Variants in SH3GL2 observed in about 807,000 individuals in gnomAD.
The protein encoded by SH3GL2 is endophilin-A1.
A neutral mutation model predicts 46.0 loss-of-function variants in SH3GL2; 24 were observed. The ratio of observed to expected loss-of-function variants is 0.52; its 90% CI spans 0.38 to 0.73. SH3GL2 has a LOEUF of 0.73. Among genes scored for constraint, SH3GL2 ranks in the 30% least tolerant of loss-of-function variants. SH3GL2 has a pLI of 0.00. For synonymous variants in SH3GL2, 196 were observed against 147.1 expected, an observed-to-expected ratio of 1.33 and a Z score of -2.40; for missense variants, 413 against 424.2, an observed-to-expected ratio of 0.97 and a Z score of 0.23.
At chr9:17,677,071 G>T (rs549273961) in intron 1 of SH3GL2, among the ~76,000 whole-genome samples, 1 of 152,072 alleles carries the variant, frequency 6.6e-6, no homozygotes, top group Non-Finnish European at 1.5e-5. Flanking sequence ...CCTCCATCAC[G>T]CCTGCAGTCA....
At chr9:17,772,515 C>T (rs535814042) in intron 3 of SH3GL2, among the ~76,000 whole-genome samples, 14 of 152,246 alleles carry the variant, frequency 9.2e-5, no homozygotes, top group African/African-American at 2.6e-4. Flanking sequence ...CTACTTCAGC[C>T]GCTGGCTACC....
At chr9:17,785,421 G>A (rs766261276) in intron 3 of SH3GL2, among the ~76,000 whole-genome samples, 3 of 152,162 alleles carry the variant, frequency 2.0e-5, no homozygotes, top group Non-Finnish European at 4.4e-5. Flanking sequence ...TCTATTCAAT[G>A]CCTCTAAGAC....
intron 1 of SH3GL2, among the ~76,000 whole-genome samples, chr9:17,663,321 T>C (rs1820267446): frequency 6.6e-6 from 1 of 152,188 alleles, no homozygotes; most frequent in Non-Finnish European, 1.5e-5. Context: ...TTCAGTTTTT[T>C]TGTATTAGAT....
intron 1 of SH3GL2, among the ~76,000 whole-genome samples, chr9:17,630,805 T>TG (rs1335680287): frequency 6.6e-6 from 1 of 151,954 alleles, no homozygotes; most frequent in East Asian, 1.9e-4. Flanking sequence ...GTGGGGGAGT[T>TG]GGAGGTAGTA....
At chr9:17,737,868 T>C (rs897433037) in intron 1 of SH3GL2, among the ~76,000 whole-genome samples, 4 of 152,208 alleles carry the variant, frequency 2.6e-5, no homozygotes, top group East Asian at 3.9e-4. Flanking sequence ...TTGCTTTTTG[T>C]CATGTAGGAA....
intron 1 of SH3GL2, among the ~76,000 whole-genome samples, chr9:17,632,755 G>T (rs910615391): frequency 6.6e-6 from 1 of 152,088 alleles, no homozygotes; most frequent in African/African-American, 2.4e-5. Context: ...TTTAGCTTTA[G>T]GGATGTTCTT....
At chr9:17,771,193 A>T (rs1823469668) in intron 3 of SH3GL2, among the ~76,000 whole-genome samples, 1 of 152,164 alleles carries the variant, frequency 6.6e-6, no homozygotes, top group African/African-American at 2.4e-5. Context: ...CTTACATTGA[A>T]GTAGGAGGTA....
chr9:17,642,292 TC>T (rs1453767244), intron 1 of SH3GL2, among the ~76,000 whole-genome samples: 13 of 152,216 alleles, frequency 8.5e-5, no homozygotes, highest in African/African-American at 2.9e-4. Flanking sequence ...GCAAAAATTT[TC>T]TCCCATTCTG....
chr9:17,619,223 T>C (rs985102625), intron 1 of SH3GL2, among the ~76,000 whole-genome samples: 10 of 152,192 alleles, frequency 6.6e-5, no homozygotes, highest in African/African-American at 2.2e-4. Context: ...AAGGAAGTGA[T>C]TCATCATCTC....
intron 1 of SH3GL2, among the ~76,000 whole-genome samples, chr9:17,700,890 C>G (rs998707274): frequency 8.5e-5 from 13 of 152,122 alleles, no homozygotes; most frequent in African/African-American, 2.9e-4. Flanking sequence ...TTGCACCAAC[C>G]TAAATAGAAC....
chr9:17,744,945 T>C (rs1822637332), intron 1 of SH3GL2, among the ~76,000 whole-genome samples: 1 of 152,160 alleles, frequency 6.6e-6, no homozygotes, highest in Admixed American at 6.5e-5. Flanking sequence ...TCTAGCCTTG[T>C]GAGTCTAATG....
At chr9:17,589,643 C>A (rs1296677710) in intron 1 of SH3GL2, 1 of 152,224 alleles carries the variant, frequency 6.6e-6, no homozygotes, top group Non-Finnish European at 1.5e-5. Flanking sequence ...GTTAATCCTG[C>A]ATCTGTTTTT....
At chr9:17,664,908 GA>G (rs1158214018) in intron 1 of SH3GL2, among the ~76,000 whole-genome samples, 13 of 150,238 alleles carry the variant, frequency 8.7e-5, no homozygotes, top group South Asian at 4.2e-4. Flanking sequence ...TTCTTTGCTT[GA>G]AAAAAAAATT....
chr9:17,709,291 C>A (rs551849598), intron 1 of SH3GL2, among the ~76,000 whole-genome samples: 31 of 152,002 alleles, frequency 2.0e-4, no homozygotes, highest in African/African-American at 7.5e-4. Context: ...TGGAATAGAC[C>A]ACTCATGAAT....
intron 1 of SH3GL2, among the ~76,000 whole-genome samples, chr9:17,582,209 A>T (rs1283941207): frequency 6.6e-6 from 1 of 152,232 alleles, no homozygotes; most frequent in Non-Finnish European, 1.5e-5. Flanking sequence ...AGGTAAAAAA[A>T]TGCTTTTGCC....
intron 1 of SH3GL2, among the ~76,000 whole-genome samples, chr9:17,599,176 AAG>A (rs1283229031): frequency 6.6e-5 from 10 of 152,318 alleles, no homozygotes; most frequent in Non-Finnish European, 7.4e-5. Flanking sequence ...ATGAAGGTAA[AAG>A]AGTGTAAAAA....
At chr9:17,694,825 C>T (rs3808708) in intron 1 of SH3GL2, among the ~76,000 whole-genome samples, 56,941 of 151,956 alleles carry the variant, frequency 0.37, 11,331 homozygotes, top group Admixed American at 0.54. Context: ...TTTAGAGAGC[C>T]TACTAAAACC....
At chr9:17,667,575 A>G (rs1298153404) in intron 1 of SH3GL2, among the ~76,000 whole-genome samples, 1 of 152,216 alleles carries the variant, frequency 6.6e-6, no homozygotes, top group Non-Finnish European at 1.5e-5. Context: ...TTGGACATTT[A>G]TAATGTTTCC....
intron 1 of SH3GL2, among the ~76,000 whole-genome samples, chr9:17,602,133 A>T (rs901525863): frequency 6.6e-6 from 1 of 152,204 alleles, no homozygotes; most frequent in African/African-American, 2.4e-5. Context: ...AAGACTGAAG[A>T]GTGACAATCA....
Sources: allele counts gnomAD v4.1 joint callset (sites outside exome capture counted in the v4.1 genomes callset), GRCh38; gene constraint gnomAD v4.1.1; transcripts MANE v1.5; gene names NCBI Gene and HGNC (gene_info 2026-07-23, HGNC 2026-07-21).